TCF7L1: variants seen among roughly 807,000 people sequenced by gnomAD.
TCF7L1 encodes transcription factor 7-like 1.
In TCF7L1, 18 loss-of-function variants were observed where a neutral mutation model predicts 63.7. That is an observed-to-expected ratio of 0.28 (90% CI 0.20 to 0.42). The LOEUF is 0.42. Ranked by LOEUF, TCF7L1 falls within the 10% of genes least tolerant of loss-of-function variation. TCF7L1 has a pLI of 1.00. For missense variants in TCF7L1, 654 were observed against 779.3 expected (o/e 0.84, Z 1.91); for synonymous variants, 355 against 340.9 (o/e 1.04, Z -0.46).
Position 85,305,448 on chromosome 2 carries a change from TG to T in TCF7L1, c.989+49del, listed in dbSNP as rs537134546. ...GATTCAGGTGGGAGGGTGCAGGCTG[TG>T]GGGAGGGGTGGCCACACTCTGAGCA... On this transcript the variant is annotated intron_variant, in intron 8 of 11. Transcript: ENST00000282111. The T allele has an allele frequency of 6.3e-4, 993 of 1,566,226 alleles. 4 individuals carry two copies. The African/African-American group carries it at 0.012, about 19-fold the overall frequency.
chr2:85,181,295 G>A (rs1678801263), intron 3 of TCF7L1, among the ~76,000 whole-genome samples: 1 of 152,208 alleles, frequency 6.6e-6, no homozygotes, highest in Non-Finnish European at 1.5e-5. Flanking sequence ...GTCTAACTTG[G>A]CATATAGCCA....
At chr2:85,181,313 G>A (rs1259177715) in intron 3 of TCF7L1, among the ~76,000 whole-genome samples, 1 of 152,348 alleles carries the variant, frequency 6.6e-6, no homozygotes, top group East Asian at 1.9e-4. Flanking sequence ...CCAAAAGCTA[G>A]GTGTAAGTTA....
At chr2:85,274,203 C>T (rs1042372646) in intron 3 of TCF7L1, among the ~76,000 whole-genome samples, 2 of 152,212 alleles carry the variant, frequency 1.3e-5, no homozygotes, top group Non-Finnish European at 2.9e-5. Flanking sequence ...AGACACTGCC[C>T]AGGCCCAGCA....
At chr2:85,197,046 C>G (rs974039974) in intron 3 of TCF7L1, among the ~76,000 whole-genome samples, 3 of 152,196 alleles carry the variant, frequency 2.0e-5, no homozygotes, top group Admixed American at 6.5e-5. Context: ...TACCTCACTT[C>G]TCACTTGGAC....
At chr2:85,154,378 C>T (rs772460029) in intron 3 of TCF7L1, among the ~76,000 whole-genome samples, 2 of 152,130 alleles carry the variant, frequency 1.3e-5, no homozygotes, top group Non-Finnish European at 2.9e-5. Context: ...AGAGTAACAT[C>T]CTTGGGATGT....
At chr2:85,281,346 T>A (rs1673883480) in intron 3 of TCF7L1, among the ~76,000 whole-genome samples, 1 of 152,172 alleles carries the variant, frequency 6.6e-6, no homozygotes, top group South Asian at 2.1e-4. Context: ...AAATTTGGGA[T>A]AGTCACCCCT....
chr2:85,286,765 G>C (rs774213679), intron 4 of TCF7L1, among the ~76,000 whole-genome samples: 3 of 152,108 alleles, frequency 2.0e-5, no homozygotes, highest in African/African-American at 4.8e-5. Context: ...AAAGTGCTGG[G>C]ATTACAGGCG....
At position 85,232,504 on chromosome 2, in the gene TCF7L1, G is replaced by A. The variant is rs113751829; in HGVS notation, c.442-50991G>A. Among the ~76,000 whole-genome samples, 659 of 152,230 alleles carry A rather than the reference G, an allele frequency of 4.3e-3. 3 individuals are homozygous for A. Among genetic ancestry groups the A allele is most frequent in the African/African-American group, 0.014 (602 of 41,526 alleles). On this transcript the variant is annotated intron_variant, in intron 3 of 11. Transcript: ENST00000282111. ...ATTCCACGGACACAAGCAGCCATTC[G>A]TCTGTCTCATTCCGCCAAGACCTCT...
At chr2:85,151,894 GA>G (rs1678025646) in intron 3 of TCF7L1, among the ~76,000 whole-genome samples, 1 of 152,190 alleles carries the variant, frequency 6.6e-6, no homozygotes, top group Non-Finnish European at 1.5e-5. Flanking sequence ...ATCATATGGG[GA>G]AAGCAATTTA....
chr2:85,224,205 C>G (rs1045118520), intron 3 of TCF7L1, among the ~76,000 whole-genome samples: 4 of 152,158 alleles, frequency 2.6e-5, no homozygotes, highest in Non-Finnish European at 5.9e-5. Context: ...ACATTTGGGT[C>G]GGTTCCAAGT....
At chr2:85,271,915 G>A (rs1681160851) in intron 3 of TCF7L1, among the ~76,000 whole-genome samples, 2 of 152,232 alleles carry the variant, frequency 1.3e-5, no homozygotes, top group South Asian at 4.1e-4. Context: ...CAGGAGCACT[G>A]ATGACTCAAT....
At chr2:85,172,196 G>A (rs2096325119) in intron 3 of TCF7L1, among the ~76,000 whole-genome samples, 1 of 152,124 alleles carries the variant, frequency 6.6e-6, no homozygotes, top group Admixed American at 6.5e-5. Flanking sequence ...ATACCAACAA[G>A]CATCAGACAA....
chr2:85,253,994 G>A (rs1337704196), intron 3 of TCF7L1, among the ~76,000 whole-genome samples: 1 of 152,230 alleles, frequency 6.6e-6, no homozygotes, highest in Non-Finnish European at 1.5e-5. Flanking sequence ...GGGTCTTTGG[G>A]ATGGTTTCAC....
At chr2:85,213,775 C>T (rs180693606) in intron 3 of TCF7L1, 1 of 152,372 alleles carries the variant, frequency 6.6e-6, no homozygotes, top group East Asian at 1.9e-4. Flanking sequence ...TGCCCCTCCT[C>T]CCAGCACCCA....
At chr2:85,222,162 T>C (rs1223884926) in intron 3 of TCF7L1, among the ~76,000 whole-genome samples, 2 of 151,926 alleles carry the variant, frequency 1.3e-5, no homozygotes, top group African/African-American at 2.4e-5. Context: ...ACCAACATGG[T>C]GAAACCTCGT....
intron 3 of TCF7L1, among the ~76,000 whole-genome samples, chr2:85,178,746 A>G (rs1337709033): frequency 6.6e-6 from 1 of 152,184 alleles, no homozygotes; most frequent in African/African-American, 2.4e-5. Flanking sequence ...TGGCTCAGCC[A>G]TGGTTGCCAC....
intron 3 of TCF7L1, among the ~76,000 whole-genome samples, chr2:85,269,007 A>G (rs1156811853): frequency 6.6e-6 from 1 of 152,078 alleles, no homozygotes; most frequent in Non-Finnish European, 1.5e-5. Flanking sequence ...AGGTGGAGGA[A>G]AAGATGTCTG....
chr2:85,232,000 C>T (rs535558401), intron 3 of TCF7L1, among the ~76,000 whole-genome samples: 24 of 152,134 alleles, frequency 1.6e-4, no homozygotes, highest in Non-Finnish European at 2.9e-4. Flanking sequence ...CGAAGGACTT[C>T]GGATGGTGCC....
chr2:85,202,250 C>T (rs1679288690), intron 3 of TCF7L1, among the ~76,000 whole-genome samples: 1 of 152,178 alleles, frequency 6.6e-6, no homozygotes, highest in Admixed American at 6.5e-5. Context: ...AGGCATGAGC[C>T]ACCATGCCCG....
Sources: allele counts gnomAD v4.1 joint callset (sites outside exome capture counted in the v4.1 genomes callset), GRCh38; gene constraint gnomAD v4.1.1; transcripts MANE v1.5; gene names NCBI Gene and HGNC (gene_info 2026-07-23, HGNC 2026-07-21).